Variants in FAM241A observed in about 807,000 individuals in gnomAD.
The protein encoded by FAM241A is family with sequence similarity 241 member A, also known as uncharacterized protein FAM241A.
A neutral mutation model predicts 12.2 loss-of-function variants in FAM241A; 7 were observed. That is an observed-to-expected ratio of 0.58 (90% CI 0.33 to 1.08). The LOEUF is 1.08. FAM241A is among the 50% of genes least tolerant of loss of function. The pLI is 0.04. For missense variants in FAM241A, 161 were observed against 169.7 expected (o/e 0.95, Z 0.29); for synonymous variants, 74 against 68.2 (o/e 1.08, Z -0.42).
chr4:112,165,600 G>C (rs1284892637), intron 1 of FAM241A, among the ~76,000 whole-genome samples: 1 of 152,178 alleles, frequency 6.6e-6, no homozygotes, highest in Non-Finnish European at 1.5e-5. Context: ...CCTGTCTTTT[G>C]CAACAACATG....
chr4:112,182,352 C>T (rs1239062799), intron 1 of FAM241A, among the ~76,000 whole-genome samples: 2 of 152,136 alleles, frequency 1.3e-5, no homozygotes, highest in African/African-American at 4.8e-5. Context: ...TATGTTGTTA[C>T]TTGTAGTAGT....
At chr4:112,162,331 A>C (rs560756174) in intron 1 of FAM241A, among the ~76,000 whole-genome samples, 4 of 152,184 alleles carry the variant, frequency 2.6e-5, no homozygotes, top group Admixed American at 6.5e-5. Flanking sequence ...AGGAGAAAGA[A>C]ATAAAGGGTA....
intron 1 of FAM241A, among the ~76,000 whole-genome samples, chr4:112,149,744 T>C (rs1192667926): frequency 3.3e-5 from 5 of 152,226 alleles, no homozygotes. Flanking sequence ...TCTATCATAT[T>C]GTAAGCTGTT....
intron 1 of FAM241A, among the ~76,000 whole-genome samples, chr4:112,158,884 A>G (rs1358278909): frequency 1.3e-5 from 2 of 152,094 alleles, no homozygotes; most frequent in Non-Finnish European, 2.9e-5. Context: ...TATACAATAT[A>G]TTGCTGTTAA....
At chr4:112,153,004 G>A (rs1277757445) in intron 1 of FAM241A, among the ~76,000 whole-genome samples, 4 of 151,724 alleles carry the variant, frequency 2.6e-5, no homozygotes, top group African/African-American at 9.7e-5. Flanking sequence ...CTTTTTCTCT[G>A]GTTTTCCTCC....
At chr4:112,183,721 T>TA (rs1723988399) in intron 1 of FAM241A, among the ~76,000 whole-genome samples, 1 of 150,762 alleles carries the variant, frequency 6.6e-6, no homozygotes, top group African/African-American at 2.4e-5. Flanking sequence ...AGAACTTTAA[T>TA]AAAAAATGAA....
rs1205919318 is a variant in FAM241A at position 112,192,487 on chromosome 4, C to A, written c.*5549C>A. 1 of 147,450 alleles carries A rather than the reference C, an allele frequency of 6.8e-6. No individual in the cohort carries two copies. Among genetic ancestry groups the A allele is most frequent in the Non-Finnish European group, 1.5e-5 (1 of 66,858 alleles). 9.1% of individuals were successfully genotyped at this position (147,450 alleles called of 1,614,324 possible). A position where few individuals can be genotyped will look rare whatever the true frequency, so the allele number is the denominator to read the frequency against. ...CATTAGGTATATCTCCTAATGCTAT[C>A]CCTCTCCCCTCCCCCCACCCCACAA... On this transcript the variant is annotated 3_prime_UTR_variant, in exon 2 of 2. Transcript: ENST00000309733.
chr4:112,165,431 A>G (rs905664752), intron 1 of FAM241A, among the ~76,000 whole-genome samples: 1 of 151,748 alleles, frequency 6.6e-6, no homozygotes, highest in Admixed American at 6.6e-5. Flanking sequence ...GGAAATTAGT[A>G]TCTCAAAGAG....
chr4:112,165,704 A>C (rs1220189339), intron 1 of FAM241A, among the ~76,000 whole-genome samples: 1 of 152,154 alleles, frequency 6.6e-6, no homozygotes, highest in African/African-American at 2.4e-5. Flanking sequence ...TCTAAAAATC[A>C]AAATAATTGA....
At chr4:112,148,967 T>C (rs897557771) in intron 1 of FAM241A, among the ~76,000 whole-genome samples, 3 of 152,222 alleles carry the variant, frequency 2.0e-5, no homozygotes, top group African/African-American at 7.2e-5. Context: ...AGATTGACTT[T>C]CGAATTATTA....
chr4:112,174,770 TTCTCCA>T lies in FAM241A; in HGVS notation c.154-11921_154-11916del, dbSNP rs1723786645. On this transcript the variant is annotated intron_variant, in intron 1 of 1. Transcript: ENST00000309733. ...AGGATACGGGGTAGACTTGAAAGCA[TTCTCCA>T]TGCTGTACATAGACCCATCAACACA... 2.0e-5 allele frequency among the ~76,000 whole-genome samples: 3 copies of T among 152,168 alleles called. No individual in the cohort carries two copies. The South Asian group carries it at 6.2e-4, about 32-fold the overall frequency.
intron 1 of FAM241A, among the ~76,000 whole-genome samples, chr4:112,153,604 A>G (rs1412522375): frequency 1.3e-5 from 2 of 152,202 alleles, no homozygotes; most frequent in Non-Finnish European, 2.9e-5. Context: ...AACCAACCTG[A>G]TGCAGAAGAT....
chr4:112,169,031 A>T (rs1450653672), intron 1 of FAM241A, among the ~76,000 whole-genome samples: 1 of 152,234 alleles, frequency 6.6e-6, no homozygotes, highest in Non-Finnish European at 1.5e-5. Context: ...AAGATATAAC[A>T]GCATAAGCAA....
chr4:112,159,920 C>G (rs953468794), intron 1 of FAM241A, among the ~76,000 whole-genome samples: 4 of 152,108 alleles, frequency 2.6e-5, no homozygotes, highest in Non-Finnish European at 4.4e-5. Flanking sequence ...AATGGAAGTC[C>G]TAGCTAGAGC....
chr4:112,169,293 G>A (rs190365639), intron 1 of FAM241A, among the ~76,000 whole-genome samples: 14 of 152,020 alleles, frequency 9.2e-5, no homozygotes, highest in Admixed American at 1.3e-4. Context: ...GCTTTTCTTC[G>A]TTTTGTCCTA....
chr4:112,155,079 A>G (rs566918439), intron 1 of FAM241A, among the ~76,000 whole-genome samples: 5 of 151,480 alleles, frequency 3.3e-5, no homozygotes, highest in African/African-American at 9.6e-5. Context: ...TGAGTTAGGC[A>G]TATTCTTGAG....
At chr4:112,164,238 A>G (rs911631299) in intron 1 of FAM241A, among the ~76,000 whole-genome samples, 2 of 151,506 alleles carry the variant, frequency 1.3e-5, no homozygotes, top group African/African-American at 4.9e-5. Flanking sequence ...CATTTTGCAC[A>G]TGTATCCTAG....
chr4:112,171,367 A>G, intron 1 of FAM241A: 2 of 761,420 alleles, frequency 2.6e-6, no homozygotes, highest in Non-Finnish European at 4.8e-6. Flanking sequence ...TATGGGGGAC[A>G]AGCTAAGCCA....
Position 112,186,913 on chromosome 4 carries a change from T to A in FAM241A, c.374T>A (p.Leu125His). The A allele has an allele frequency of 6.2e-7, 1 of 1,613,826 alleles. No homozygotes were observed. The highest frequency in any genetic ancestry group is 8.5e-7 in the Non-Finnish European group (1 of 1,179,834). The change falls in exon 2 of 2, where the codon CTT becomes CAT. Residue 125 changes from leucine (L) to histidine (H), a missense_variant. Physicochemically the swap from Leu to His is moderately conservative, Grantham distance 99 (BLOSUM62 -3). Coordinates refer to ENST00000309733, the MANE Select transcript of FAM241A (RefSeq NM_152400.3). ...CTTGGACTAGTTGCTGTTCTTTGCC[T>A]TGTTATTATTTATGTGCAACAGTAA... ...QALGLVAVLC[L>H]VIIYVQQ
Sources: gnomAD v4.1 joint callset for allele counts (sites outside exome capture counted in the v4.1 genomes callset) on GRCh38, gnomAD v4.1.1 for gene constraint, MANE v1.5 for transcripts, NCBI Gene and HGNC (gene_info 2026-07-23, HGNC 2026-07-21) for gene names.